Variants in ZNF487 observed in about 807,000 individuals in gnomAD.
ZNF487 encodes the protein zinc finger protein 487, also known as KRAB domain only 1.
ZNF487 carries 4 observed loss-of-function variants against 3.0 expected under a neutral mutation model. The ratio of observed to expected loss-of-function variants is 1.35; its 90% CI spans 0.66 to 3.08. ZNF487 has a LOEUF of 3.08. Ranked by LOEUF, ZNF487 falls within the 30% of genes most tolerant of loss-of-function variation. ZNF487 has a pLI of 0.01. For synonymous variants in ZNF487, 55 were observed against 34.6 expected, an observed-to-expected ratio of 1.59 and a Z score of -2.06; for missense variants, 146 against 98.7, an observed-to-expected ratio of 1.48 and a Z score of -2.03.
chr10:43,509,692 C>T, the ZNF487 span, among the ~76,000 whole-genome samples: 7 of 151,930 alleles, frequency 4.6e-5, no homozygotes, highest in African/African-American at 1.7e-4. Context: ...CGTATTTCTG[C>T]CTATATATAT....
chr10:43,464,870 T>C (rs911101795), intron 1 of ZNF487, among the ~76,000 whole-genome samples: 15 of 152,308 alleles, frequency 9.8e-5, no homozygotes, highest in African/African-American at 3.1e-4. Context: ...GGCCCGTTCT[T>C]AATGAGCTGT....
rs529496031 is a variant in ZNF487, at chr10:43,468,416, A to T, written c.-93-7305A>T. Reference sequence around the variant, plus strand: ...AAGAGCCGGCCGGGTGCAGTGGCTCATTCCTGTAACCCCAGCACTTTTGGA... The same window carrying T: ...AAGAGCCGGCCGGGTGCAGTGGCTCTTTCCTGTAACCCCAGCACTTTTGGA... On this transcript the variant is annotated intron_variant, in intron 1 of 3. Transcript: ENST00000437590. 9.2e-5 allele frequency among the ~76,000 whole-genome samples: 14 copies of T among 152,282 alleles called. No individual in the cohort carries two copies. The East Asian group carries it at 2.1e-3, about 23-fold the overall frequency.
intron 1 of ZNF487, among the ~76,000 whole-genome samples, chr10:43,469,462 G>A (rs1018865442): frequency 6.6e-6 from 1 of 151,956 alleles, no homozygotes; most frequent in African/African-American, 2.4e-5. Flanking sequence ...TAAAGTGCTG[G>A]GATTACAGGC....
At chr10:43,464,910 C>G (rs552920614) in intron 1 of ZNF487, among the ~76,000 whole-genome samples, 2 of 152,114 alleles carry the variant, frequency 1.3e-5, no homozygotes, top group Non-Finnish European at 2.9e-5. Context: ...GGGTGGTGGC[C>G]GGGCAGAGGG....
chr10:43,505,832 A>G, the ZNF487 span, among the ~76,000 whole-genome samples: 1 of 151,986 alleles, frequency 6.6e-6, no homozygotes, highest in Non-Finnish European at 1.5e-5. Context: ...TAGTAGAGAC[A>G]GGATTTCACC....
chr10:43,448,940 GCT>G (rs1839907335), intron 1 of ZNF487, among the ~76,000 whole-genome samples: 1 of 150,528 alleles, frequency 6.6e-6, no homozygotes, highest in Non-Finnish European at 1.5e-5. Flanking sequence ...GCTGTGGTGA[GCT>G]CTGATTGCAT....
chr10:43,458,505 G>A (rs1260313203), intron 1 of ZNF487, among the ~76,000 whole-genome samples: 2 of 152,180 alleles, frequency 1.3e-5, no homozygotes, highest in Non-Finnish European at 2.9e-5. Flanking sequence ...ATGCAGGTTT[G>A]CCCTTAGCAG....
At chr10:43,444,914 A>G (rs1839744455) in intron 1 of ZNF487, among the ~76,000 whole-genome samples, 2 of 152,088 alleles carry the variant, frequency 1.3e-5, no homozygotes, top group African/African-American at 2.4e-5. Context: ...GATTTAGGCC[A>G]TCATCTCTTT....
At chr10:43,464,871 A>T (rs2132103250) in intron 1 of ZNF487, among the ~76,000 whole-genome samples, 1 of 152,126 alleles carries the variant, frequency 6.6e-6, no homozygotes, top group East Asian at 1.9e-4. Context: ...GCCCGTTCTT[A>T]ATGAGCTGTT....
At chr10:43,456,730 G>A (rs879538717) in intron 1 of ZNF487, among the ~76,000 whole-genome samples, 14 of 152,022 alleles carry the variant, frequency 9.2e-5, no homozygotes, top group Admixed American at 8.5e-4. Flanking sequence ...ACAGGTGCGC[G>A]ACACCATGCC....
At chr10:43,504,906 A>G in the ZNF487 span, among the ~76,000 whole-genome samples, 2 of 151,370 alleles carry the variant, frequency 1.3e-5, no homozygotes, top group African/African-American at 4.9e-5. Flanking sequence ...CGGGTTTCAC[A>G]TGTTGCCAAA....
At position 43,442,512 on chromosome 10, in the gene ZNF487, C is replaced by T. The variant is rs554730180; in HGVS notation, c.-94+5250C>T. 4.6e-5 allele frequency among the ~76,000 whole-genome samples: 7 copies of T among 152,162 alleles called. No homozygotes were observed. In the East Asian group the frequency reaches 1.2e-3, roughly 25 times the overall value. On this transcript the variant is annotated intron_variant, in intron 1 of 3. Coordinates refer to ENST00000437590, the MANE Select transcript of ZNF487 (RefSeq NM_001355444.3). The stretch of plus-strand genomic sequence containing the variant: ...AGGCTGGAGTGCAGTGGCACGATCT[C>T]GGCTCACTGCAACCTCCACCCTCCG...
At chr10:43,444,572 T>A (rs1839733973) in intron 1 of ZNF487, among the ~76,000 whole-genome samples, 1 of 149,662 alleles carries the variant, frequency 6.7e-6, no homozygotes, top group Non-Finnish European at 1.5e-5. Context: ...TTGTTCGTTT[T>A]TTGTTTGTTT....
the ZNF487 span, among the ~76,000 whole-genome samples, chr10:43,518,006 T>TTTC: frequency 6.6e-6 from 1 of 152,226 alleles, no homozygotes; most frequent in Non-Finnish European, 1.5e-5. Context: ...GCAGTCGTCC[T>TTTC]AGCACTGGAT....
chr10:43,497,492 T>C, the ZNF487 span, among the ~76,000 whole-genome samples: 2 of 152,106 alleles, frequency 1.3e-5, no homozygotes, highest in Non-Finnish European at 2.9e-5. Context: ...GGGTGGCAGA[T>C]TGGGGAGCAG....
intron 1 of ZNF487, among the ~76,000 whole-genome samples, chr10:43,462,212 A>C (rs1385700073): frequency 6.6e-6 from 1 of 150,492 alleles, no homozygotes; most frequent in Non-Finnish European, 1.5e-5. Flanking sequence ...GTGCAGTGGC[A>C]CGACCCCAGA....
At chr10:43,509,703 T>G in the ZNF487 span, among the ~76,000 whole-genome samples, 1 of 151,996 alleles carries the variant, frequency 6.6e-6, no homozygotes. Context: ...CTATATATAT[T>G]CTAGCCTCGC....
chr10:43,465,212 T>C (rs1249829047), intron 1 of ZNF487, among the ~76,000 whole-genome samples: 560 of 129,888 alleles, frequency 4.3e-3, no homozygotes, highest in Non-Finnish European at 5.7e-3. Flanking sequence ...ACCTCCCTCC[T>C]GGACGGGGCG....
chr10:43,514,539 C>T, the ZNF487 span, among the ~76,000 whole-genome samples: 2 of 152,170 alleles, frequency 1.3e-5, no homozygotes, highest in Non-Finnish European at 2.9e-5. Context: ...CTTCCTATCA[C>T]TTTCACTTGT....
Sources: allele counts gnomAD v4.1 joint callset (sites outside exome capture counted in the v4.1 genomes callset), GRCh38; gene constraint gnomAD v4.1.1; transcripts MANE v1.5; gene names NCBI Gene and HGNC (gene_info 2026-07-23, HGNC 2026-07-21).